PCDH9: variants seen among roughly 807,000 people sequenced by gnomAD.
PCDH9 encodes the protein protocadherin 9.
PCDH9 carries 24 observed loss-of-function variants against 70.6 expected under a neutral mutation model. The ratio of observed to expected loss-of-function variants is 0.34; its 90% CI spans 0.25 to 0.48. The LOEUF is 0.48. PCDH9 is among the 20% of genes least tolerant of loss of function. The pLI, the probability that PCDH9 is intolerant of heterozygous loss-of-function variation, is 0.99. For missense variants in PCDH9, 1,281 were observed against 1,503.6 expected, an observed-to-expected ratio of 0.85 and a Z score of 2.45; for synonymous variants, 562 against 558.5, an observed-to-expected ratio of 1.01 and a Z score of -0.09.
chr13:66,513,552 A>G (rs1959591833), intron 4 of PCDH9, among the ~76,000 whole-genome samples: 1 of 152,126 alleles, frequency 6.6e-6, no homozygotes, highest in African/African-American at 2.4e-5. Context: ...CACCAAGTCC[A>G]ATAATGAAAA....
chr13:66,751,061 T>C (rs1420459659), intron 3 of PCDH9, among the ~76,000 whole-genome samples: 1 of 152,186 alleles, frequency 6.6e-6, no homozygotes, highest in Non-Finnish European at 1.5e-5. Context: ...TTCTCATGCT[T>C]TTACTTAATC....
chr13:67,055,649 A>AG (rs1040075935), intron 2 of PCDH9, among the ~76,000 whole-genome samples: 2 of 151,340 alleles, frequency 1.3e-5, no homozygotes, highest in African/African-American at 4.9e-5. Flanking sequence ...TCAAAAAAAA[A>AG]AATTAGCTGG....
At chr13:66,851,600 C>A (rs945091185) in intron 3 of PCDH9, among the ~76,000 whole-genome samples, 6 of 151,804 alleles carry the variant, frequency 4.0e-5, no homozygotes, top group African/African-American at 9.7e-5. Context: ...CACACACACA[C>A]ACACACACTC....
chr13:66,944,817 CTGTGTG>C (rs67182136), intron 2 of PCDH9, among the ~76,000 whole-genome samples: 20 of 135,444 alleles, frequency 1.5e-4, no homozygotes, highest in East Asian at 4.4e-4. Context: ...CTAATCGTCT[CTGTGTG>C]TGTGTGTGTG....
intron 3 of PCDH9, among the ~76,000 whole-genome samples, chr13:66,828,568 T>G (rs556548218): frequency 6.6e-6 from 1 of 152,238 alleles, no homozygotes; most frequent in South Asian, 2.1e-4. Flanking sequence ...AAAGCACTGT[T>G]TTTTAAAAGT....
chr13:66,395,460 G>A (rs1427767984), intron 4 of PCDH9, among the ~76,000 whole-genome samples: 2 of 151,998 alleles, frequency 1.3e-5, no homozygotes, highest in Non-Finnish European at 2.9e-5. Context: ...AATTAGCAGG[G>A]CACGGTGGCA....
At chr13:66,790,792 A>G (rs1328267475) in intron 3 of PCDH9, among the ~76,000 whole-genome samples, 1 of 152,096 alleles carries the variant, frequency 6.6e-6, no homozygotes, top group Admixed American at 6.6e-5. Flanking sequence ...ATCCTTAGCC[A>G]TATTATTAAT....
intron 4 of PCDH9, among the ~76,000 whole-genome samples, chr13:66,475,107 G>A (rs1426867271): frequency 4.6e-5 from 7 of 152,002 alleles, no homozygotes; most frequent in Non-Finnish European, 1.0e-4. Flanking sequence ...TGAGAAAAAG[G>A]AATCACTGAA....
At chr13:67,181,456 C>T (rs913130700) in intron 2 of PCDH9, among the ~76,000 whole-genome samples, 4 of 152,078 alleles carry the variant, frequency 2.6e-5, no homozygotes, top group South Asian at 2.1e-4. Context: ...TCACACAGAC[C>T]GTTTTCAAAA....
At chr13:67,168,582 A>T (rs1566470340) in intron 2 of PCDH9, among the ~76,000 whole-genome samples, 1 of 151,748 alleles carries the variant, frequency 6.6e-6, no homozygotes. Flanking sequence ...AAAAAAAAAA[A>T]TTAGCCAGGC....
At chr13:67,140,853 A>G (rs1413893803) in intron 2 of PCDH9, among the ~76,000 whole-genome samples, 1 of 152,188 alleles carries the variant, frequency 6.6e-6, no homozygotes, top group Non-Finnish European at 1.5e-5. Context: ...TTTAAAGTCA[A>G]TTATAAAGTG....
intron 3 of PCDH9, among the ~76,000 whole-genome samples, chr13:66,841,206 G>A (rs1051302566): frequency 3.3e-5 from 5 of 152,056 alleles, no homozygotes; most frequent in African/African-American, 7.2e-5. Context: ...AGAAAATGAC[G>A]ATGAGTTTTA....
chr13:66,974,403 A>T (rs372124048), intron 2 of PCDH9, among the ~76,000 whole-genome samples: 1 of 151,844 alleles, frequency 6.6e-6, no homozygotes, highest in Non-Finnish European at 1.5e-5. Context: ...TCTAATGCCT[A>T]CGTGGTTCAA....
chr13:66,304,856 G>C lies in PCDH9; in HGVS notation c.3513C>G (p.Asp1171Glu). ...TCAGGGTGTGCCCATTCACAAGCTT[G>C]TCCTTCTTCACCCATTCTTTCTGGG... ...FAPQKEWVKK[D>E]KLVNGHTLTR... is the part of the protein sequence containing the mutation. The change falls in exon 5 of 5, where the codon GAC (aspartate) becomes GAG (glutamate). Residue 1171 changes from aspartate to glutamate, a missense_variant. Physicochemically the swap from Asp to Glu is conservative, Grantham distance 45. Around this residue, in one of 4 missense-constraint regions of PCDH9, gnomAD observed 264 missense variants for 278.8 expected, o/e 0.95. Transcript: ENST00000377865. 2 of 1,613,516 alleles carry C rather than the reference G, an allele frequency of 1.2e-6. No individual in the cohort carries two copies. The highest frequency in any genetic ancestry group is 2.7e-5 in the African/African-American group (2 of 74,974).
At chr13:67,155,183 A>T (rs1172464608) in intron 2 of PCDH9, among the ~76,000 whole-genome samples, 1 of 152,200 alleles carries the variant, frequency 6.6e-6, no homozygotes, top group East Asian at 1.9e-4. Flanking sequence ...TCAGAAGCAA[A>T]CTAAAACTGT....
At chr13:66,783,752 ACTAT>A (rs1292895910) in intron 3 of PCDH9, among the ~76,000 whole-genome samples, 1 of 152,166 alleles carries the variant, frequency 6.6e-6, no homozygotes, top group Non-Finnish European at 1.5e-5. Context: ...TGTATTTGAC[ACTAT>A]CTATTCTTTC....
rs1022085625 is a variant in PCDH9 at position 66,776,715 on chromosome 13, T to A, written c.3138+126789A>T. 1.1e-4 allele frequency among the ~76,000 whole-genome samples: 17 copies of A among 152,066 alleles called. No individual in the cohort carries two copies. In the East Asian group the frequency reaches 2.1e-3, roughly 19 times the overall value. ...AATGGCCATACTGCCCAAGGTAATT[T>A]ACAGATTCAATGCCATCCCCATCAA... On this transcript the variant is annotated intron_variant, in intron 3 of 4. Coordinates refer to ENST00000377865, the MANE Select transcript of PCDH9 (RefSeq NM_203487.3).
At chr13:66,980,123 TC>T (rs1293930294) in intron 2 of PCDH9, among the ~76,000 whole-genome samples, 1 of 151,482 alleles carries the variant, frequency 6.6e-6, no homozygotes, top group African/African-American at 2.4e-5. Context: ...TATCTATCTA[TC>T]TATCTATCAT....
chr13:66,369,018 C>A (rs1450683666), intron 4 of PCDH9, among the ~76,000 whole-genome samples: 1 of 152,056 alleles, frequency 6.6e-6, no homozygotes, highest in African/African-American at 2.4e-5. Flanking sequence ...GCAGCCAAGC[C>A]ATATTAATTA....
Sources: gnomAD v4.1 joint callset for allele counts (sites outside exome capture counted in the v4.1 genomes callset) on GRCh38, gnomAD v4.1.1 for gene constraint, gnomAD v4.1.1 regional missense constraint, MANE v1.5 for transcripts, NCBI Gene and HGNC (gene_info 2026-07-23, HGNC 2026-07-21) for gene names.